Variants in SLIT3 observed in about 807,000 individuals in gnomAD.
SLIT3 encodes the protein slit guidance ligand 3.
SLIT3 carries 68 observed loss-of-function variants against 184.0 expected under a neutral mutation model. The ratio of observed to expected loss-of-function variants is 0.37; its 90% CI spans 0.30 to 0.45. The LOEUF (loss-of-function observed/expected upper bound fraction) is 0.45, where lower values mean the gene tolerates loss of function less well. Among genes scored for constraint, SLIT3 ranks in the 20% least tolerant of loss-of-function variants. The probability of loss-of-function intolerance (pLI) is 1.00; values close to 1 mark genes in which losing one functional copy is unlikely to be tolerated. For synonymous variants in SLIT3, 831 were observed against 828.6 expected (o/e 1.00, Z -0.05); for missense variants, 1,707 against 2,026.0 (o/e 0.84, Z 3.02).
Position 168,756,742 on chromosome 5 carries a change from G to A in SLIT3, c.1686-2735C>T, listed in dbSNP as rs10051904. ...GCTCTCCAGCAGCTATAAGTCACCC[G>A]AATGCCAGAAGAGAAGGCTTTTGCT... On this transcript the variant is annotated intron_variant, in intron 16 of 35. Transcript: ENST00000519560. Among the ~76,000 whole-genome samples, 1,202 of 152,258 alleles carry A rather than the reference G, an allele frequency of 7.9e-3. 22 individuals carry two copies. The highest frequency in any genetic ancestry group is 0.028 in the African/African-American group (1,165 of 41,548).
At position 168,878,718 on chromosome 5, in the gene SLIT3, T is replaced by C. The variant is rs905498280; in HGVS notation, c.485+4547A>G. ...AAATGTGGGTATCACAGTTTCTTCC[T>C]TTTTTTTTTTTTTTTAAGACTGAGT... On this transcript the variant is annotated intron_variant, in intron 5 of 35. Coordinates refer to ENST00000519560, the MANE Select transcript of SLIT3 (RefSeq NM_003062.4). Among the ~76,000 whole-genome samples the C allele has an allele frequency of 5.6e-4, 15 of 26,630 alleles. No individual in the cohort carries two copies. In the Admixed American group the frequency reaches 7.8e-3, roughly 14 times the overall value. 17.5% of individuals were successfully genotyped at this position (26,630 alleles called of 152,430 possible).
intron 1 of SLIT3, among the ~76,000 whole-genome samples, chr5:169,290,330 G>A (rs1272783132): frequency 6.6e-6 from 1 of 150,456 alleles, no homozygotes; most frequent in Non-Finnish European, 1.5e-5. Context: ...CACACGCTAG[G>A]GCATACACTG....
chr5:168,713,834 G>A (rs529989850), intron 23 of SLIT3, among the ~76,000 whole-genome samples: 7 of 152,346 alleles, frequency 4.6e-5, no homozygotes, highest in African/African-American at 1.7e-4. Context: ...TGGGTCTGAG[G>A]TGAGGCCTGA....
At chr5:168,735,452 A>G (rs2113410369) in intron 20 of SLIT3, among the ~76,000 whole-genome samples, 1 of 152,188 alleles carries the variant, frequency 6.6e-6, no homozygotes, top group South Asian at 2.1e-4. Context: ...TGGCTCTACT[A>G]TCTAAGAGCT....
At chr5:169,066,856 T>A (rs1440510923) in intron 4 of SLIT3, among the ~76,000 whole-genome samples, 1 of 149,080 alleles carries the variant, frequency 6.7e-6, no homozygotes, top group African/African-American at 2.5e-5. Flanking sequence ...TGGCTGAACT[T>A]AAGAAATGAT....
intron 4 of SLIT3, among the ~76,000 whole-genome samples, chr5:168,986,336 G>A (rs933075337): frequency 3.9e-5 from 6 of 152,184 alleles, no homozygotes; most frequent in Admixed American, 6.5e-5. Flanking sequence ...GCCATGCACC[G>A]CACTTCCCAG....
At chr5:169,115,714 A>G (rs1481307773) in intron 4 of SLIT3, among the ~76,000 whole-genome samples, 1 of 152,224 alleles carries the variant, frequency 6.6e-6, no homozygotes, top group African/African-American at 2.4e-5. Flanking sequence ...TATCTAATTT[A>G]ATCCTTACAA....
intron 3 of SLIT3, among the ~76,000 whole-genome samples, chr5:169,236,287 G>T (rs189166159): frequency 6.6e-6 from 1 of 151,834 alleles, no homozygotes. Context: ...ATTTTGTTTT[G>T]AGCACTCCCT....
intron 4 of SLIT3, among the ~76,000 whole-genome samples, chr5:168,997,131 G>T (rs1378520181): frequency 1.3e-5 from 2 of 152,050 alleles, no homozygotes; most frequent in African/African-American, 2.4e-5. Flanking sequence ...GGACTGTGAC[G>T]CATCGCGTGC....
intron 1 of SLIT3, among the ~76,000 whole-genome samples, chr5:169,271,378 T>C (rs2113631869): frequency 6.6e-6 from 1 of 152,314 alleles, no homozygotes; most frequent in Non-Finnish European, 1.5e-5. Flanking sequence ...TTCCTGCGAT[T>C]ACACCTTGCT....
intron 3 of SLIT3, among the ~76,000 whole-genome samples, chr5:169,232,818 C>T (rs1765053455): frequency 6.6e-6 from 1 of 152,206 alleles, no homozygotes; most frequent in Admixed American, 6.5e-5. Context: ...CAACAAGCTG[C>T]TGGCATTTTG....
At chr5:169,166,848 T>C (rs1054268590) in intron 4 of SLIT3, among the ~76,000 whole-genome samples, 1 of 152,176 alleles carries the variant, frequency 6.6e-6, no homozygotes, top group South Asian at 2.1e-4. Flanking sequence ...GACTTTCCCA[T>C]GTACCTCCCC....
intron 20 of SLIT3, among the ~76,000 whole-genome samples, chr5:168,746,604 G>T (rs1754435957): frequency 8.3e-6 from 1 of 120,064 alleles, no homozygotes. Flanking sequence ...GTGGTGGTGT[G>T]GGTGTGGTGT....
chr5:169,099,721 A>G (rs574845428), intron 4 of SLIT3, among the ~76,000 whole-genome samples: 3 of 152,310 alleles, frequency 2.0e-5, no homozygotes, highest in South Asian at 4.1e-4. Flanking sequence ...CATGACCTCA[A>G]TGTATGCTCA....
intron 4 of SLIT3, among the ~76,000 whole-genome samples, chr5:169,007,786 A>C (rs1755988794): frequency 6.6e-6 from 1 of 152,132 alleles, no homozygotes; most frequent in Non-Finnish European, 1.5e-5. Flanking sequence ...ACACATACAC[A>C]CCTTTTGCCT....
At chr5:168,877,553 G>T (rs1464307412) in intron 5 of SLIT3, among the ~76,000 whole-genome samples, 1 of 152,142 alleles carries the variant, frequency 6.6e-6, no homozygotes, top group Non-Finnish European at 1.5e-5. Context: ...GGGTGCTGGT[G>T]TCCCTCCCCA....
At chr5:169,257,612 T>A (rs1766015903) in intron 1 of SLIT3, among the ~76,000 whole-genome samples, 1 of 135,184 alleles carries the variant, frequency 7.4e-6, no homozygotes, top group South Asian at 2.7e-4. Context: ...AGTGGCACGA[T>A]CTTGGCTCAC....
At chr5:168,789,844 T>C in intron 10 of SLIT3, 1 of 528,292 alleles carries the variant, frequency 1.9e-6, no homozygotes. Context: ...ATCACTCTTC[T>C]TGGTTTTCAA....
chr5:168,855,150 C>T (rs1007406452), intron 5 of SLIT3, among the ~76,000 whole-genome samples: 1 of 152,128 alleles, frequency 6.6e-6, no homozygotes, highest in Non-Finnish European at 1.5e-5. Context: ...CAGTAAAAAG[C>T]CCTAGGATCA....
Sources: allele counts gnomAD v4.1 joint callset (sites outside exome capture counted in the v4.1 genomes callset), GRCh38; gene constraint gnomAD v4.1.1; transcripts MANE v1.5; gene names NCBI Gene and HGNC (gene_info 2026-07-23, HGNC 2026-07-21).